The following DPP6 variants were observed in gnomAD, a reference collection of about 807,000 sequenced individuals.
The protein encoded by DPP6 is A-type potassium channel modulatory protein DPP6.
DPP6 carries 69 observed loss-of-function variants against 122.6 expected under a neutral mutation model. That is an observed-to-expected ratio of 0.56 (90% CI 0.46 to 0.69). The LOEUF is 0.69. Ranked by LOEUF, DPP6 falls within the 30% of genes least tolerant of loss-of-function variation. The pLI, the probability that DPP6 is intolerant of heterozygous loss-of-function variation, is 0.00. For synonymous variants in DPP6, 418 were observed against 433.1 expected (o/e 0.97, Z 0.43); for missense variants, 928 against 1,116.9 (o/e 0.83, Z 2.41).
At chr7:154,183,856 G>A (rs147829743) in intron 1 of DPP6, among the ~76,000 whole-genome samples, 1 of 152,364 alleles carries the variant, frequency 6.6e-6, no homozygotes, top group African/African-American at 2.4e-5. Context: ...AAAAGTGAGT[G>A]TAAAGAACTG....
intron 5 of DPP6, among the ~76,000 whole-genome samples, chr7:154,613,520 G>A (rs1013212776): frequency 1.3e-5 from 2 of 149,806 alleles, no homozygotes; most frequent in African/African-American, 4.9e-5. Flanking sequence ...TCGGGAGGCT[G>A]AGGCAGGAGA....
chr7:154,154,279 T>A (rs1175168732), intron 1 of DPP6, among the ~76,000 whole-genome samples: 1 of 152,274 alleles, frequency 6.6e-6, no homozygotes, highest in Non-Finnish European at 1.5e-5. Flanking sequence ...GCCATTCCTC[T>A]GACTGTAAAG....
chr7:153,855,252 TAATAAA>T, the DPP6 span, among the ~76,000 whole-genome samples: 2 of 145,992 alleles, frequency 1.4e-5, no homozygotes, highest in Admixed American at 1.4e-4. Context: ...AAAAAAGAAA[TAATAAA>T]AATAATACCT....
intron 1 of DPP6, among the ~76,000 whole-genome samples, chr7:153,955,432 T>C (rs1802414052): frequency 6.6e-6 from 1 of 152,128 alleles, no homozygotes; most frequent in African/African-American, 2.4e-5. Flanking sequence ...GCATTATTGT[T>C]GTTATTTATT....
At chr7:154,232,119 A>T in intron 1 of DPP6, among the ~76,000 whole-genome samples, 1 of 152,292 alleles carries the variant, frequency 6.6e-6, no homozygotes, top group East Asian at 1.9e-4. Context: ...CTAAGAGGAT[A>T]GGACAAGCTG....
chr7:153,975,355 A>ACG (rs758009066), intron 1 of DPP6, among the ~76,000 whole-genome samples: 1 of 144,258 alleles, frequency 6.9e-6, no homozygotes, highest in Non-Finnish European at 1.5e-5. Context: ...CCCACAGAGT[A>ACG]CCTGGGAACT....
intron 8 of DPP6, among the ~76,000 whole-genome samples, chr7:154,743,082 T>G (rs1274605722): frequency 1.3e-5 from 2 of 152,200 alleles, no homozygotes; most frequent in African/African-American, 4.8e-5. Context: ...TGGTGGGAAT[T>G]TGCAGAAATA....
chr7:154,844,872 A>G (rs1218589067), intron 16 of DPP6, among the ~76,000 whole-genome samples: 2 of 152,246 alleles, frequency 1.3e-5, no homozygotes, highest in Non-Finnish European at 2.9e-5. Flanking sequence ...GAAGTATTCT[A>G]TATTAAAATA....
At chr7:154,787,388 A>C (rs1219435804) in intron 10 of DPP6, among the ~76,000 whole-genome samples, 1 of 150,492 alleles carries the variant, frequency 6.6e-6, no homozygotes, top group African/African-American at 2.5e-5. Flanking sequence ...TTCCCTACTG[A>C]TTTGGAATGA....
At chr7:153,784,729 C>A in the DPP6 span, among the ~76,000 whole-genome samples, 1 of 151,938 alleles carries the variant, frequency 6.6e-6, no homozygotes, top group Admixed American at 6.6e-5. Context: ...ATTAATAGAC[C>A]TCCCAAAAAA....
intron 9 of DPP6, among the ~76,000 whole-genome samples, chr7:154,769,959 C>T (rs1341593235): frequency 6.6e-6 from 1 of 152,104 alleles, no homozygotes; most frequent in African/African-American, 2.4e-5. Context: ...TGGGTCTGGG[C>T]AAGGCTGTTT....
rs111976115 is a variant in DPP6 at position 154,745,472 on chromosome 7, G to C, written c.883+17585G>C. Among the ~76,000 whole-genome samples the C allele has an allele frequency of 2.0e-3, 310 of 152,248 alleles. 3 individuals carry two copies. The highest frequency in any genetic ancestry group is 7.2e-3 in the African/African-American group (299 of 41,540). ...AATGTACCAGGCTTAGTAACACCCG[G>C]CCTTCCCATCTCATTAGAGGCTAGA... On this transcript the variant is annotated intron_variant, in intron 8 of 25. Transcript: ENST00000377770.
At chr7:154,309,827 C>T (rs1806702613) in intron 1 of DPP6, among the ~76,000 whole-genome samples, 1 of 152,154 alleles carries the variant, frequency 6.6e-6, no homozygotes, top group South Asian at 2.1e-4. Flanking sequence ...TCAAAAAGGG[C>T]ATGGGGTGGG....
chr7:154,534,599 T>G (rs1828089672), intron 3 of DPP6, among the ~76,000 whole-genome samples: 1 of 152,094 alleles, frequency 6.6e-6, no homozygotes. Flanking sequence ...ATAATGAAAT[T>G]AAACAGTAAT....
rs1806754580 is a variant in DPP6, at chr7:154,893,005, A to C, written c.*525A>C. The C allele has an allele frequency of 2.0e-6, 1 of 503,268 alleles. No homozygotes were observed. The highest frequency in any genetic ancestry group is 4.0e-6 in the Non-Finnish European group (1 of 249,562). 31.2% of individuals were successfully genotyped at this position (503,268 alleles called of 1,614,324 possible). On this transcript the variant is annotated 3_prime_UTR_variant, in exon 26 of 26. Transcript: ENST00000377770. The stretch of plus-strand genomic sequence containing the variant: ...TGTAATGAGGACGTTCAACATGGTG[A>C]GGGGCTACAAGAAAACGCTTTTCTG...
At chr7:153,870,242 G>A in the DPP6 span, among the ~76,000 whole-genome samples, 44 of 152,340 alleles carry the variant, frequency 2.9e-4, no homozygotes, top group African/African-American at 1.0e-3. Context: ...ATCCTGCAGA[G>A]CATTTTCCAA....
Position 154,384,826 on chromosome 7 carries a change from G to A in DPP6, c.244-61388G>A, listed in dbSNP as rs369996353. Reference sequence around the variant, plus strand: ...AAGTTTGAAATATGAGTGTTCATCAGTAGTGGAATGATTAAATTAGGGTAC... The same window carrying A: ...AAGTTTGAAATATGAGTGTTCATCAATAGTGGAATGATTAAATTAGGGTAC... On this transcript the variant is annotated intron_variant, in intron 1 of 25. Coordinates refer to ENST00000377770, the MANE Select transcript of DPP6 (RefSeq NM_130797.4). Among the ~76,000 whole-genome samples the A allele has an allele frequency of 2.0e-5, 3 of 150,764 alleles. No homozygotes were observed. In the East Asian group the frequency reaches 5.9e-4, roughly 29 times the overall value.
intron 7 of DPP6, among the ~76,000 whole-genome samples, chr7:154,703,384 C>T (rs944592052): frequency 2.0e-5 from 3 of 152,056 alleles, no homozygotes; most frequent in Non-Finnish European, 4.4e-5. Context: ...TTTGGGAGGC[C>T]GAGGCAGGCA....
intron 1 of DPP6, among the ~76,000 whole-genome samples, chr7:154,063,436 G>A (rs550154649): frequency 2.7e-4 from 30 of 112,766 alleles, no homozygotes; most frequent in Admixed American, 5.8e-4. Context: ...TACCCCCATC[G>A]CAAGGGGGGG....
Sources: gnomAD v4.1 joint callset for allele counts (sites outside exome capture counted in the v4.1 genomes callset) on GRCh38, gnomAD v4.1.1 for gene constraint, MANE v1.5 for transcripts, NCBI Gene and HGNC (gene_info 2026-07-23, HGNC 2026-07-21) for gene names.